TMEM217B: variants seen among roughly 807,000 people sequenced by gnomAD.
TMEM217B encodes putative transmembrane protein 217B.
chr6:37,224,584 C>T, the TMEM217B span, among the ~76,000 whole-genome samples: 6 of 149,812 alleles, frequency 4.0e-5, no homozygotes, highest in Non-Finnish European at 7.4e-5. Flanking sequence ...GGTGACAGAG[C>T]GAGACTCCTC....
chr6:37,221,803 A>G, the TMEM217B span, among the ~76,000 whole-genome samples: 4 of 152,156 alleles, frequency 2.6e-5, no homozygotes, highest in African/African-American at 9.7e-5. Context: ...ATGAGCTTTA[A>G]GTGTTAGATC....
the TMEM217B span, among the ~76,000 whole-genome samples, chr6:37,247,389 C>CT: frequency 7.0e-5 from 9 of 127,756 alleles, no homozygotes; most frequent in East Asian, 2.2e-4. Context: ...AACTTTTTTA[C>CT]TTTTTTTTTT....
chr6:37,214,086 CT>C, the TMEM217B span, among the ~76,000 whole-genome samples: 2 of 152,244 alleles, frequency 1.3e-5, no homozygotes, highest in Non-Finnish European at 2.9e-5. Flanking sequence ...TCTTCACTCA[CT>C]GGATCAACTC....
the TMEM217B span, chr6:37,218,476 C>T: frequency 5.6e-6 from 9 of 1,613,718 alleles, no homozygotes; most frequent in East Asian, 2.2e-5. Context: ...TGAACCCACT[C>T]GAAATTGATA....
chr6:37,215,994 GGTGTGTGTGTGTGTGTGTGTGTGT>G, the TMEM217B span, among the ~76,000 whole-genome samples: 11 of 149,082 alleles, frequency 7.4e-5, no homozygotes, highest in Non-Finnish European at 1.5e-4. Flanking sequence ...GGTTCTTCAG[GGTGTGTGTGTGTGTGTGTGTGTGT>G]GTGTGTGTGT....
At chr6:37,257,833 G>C in the TMEM217B span, 1 of 1,495,454 alleles carries the variant, frequency 6.7e-7, no homozygotes, top group Non-Finnish European at 9.1e-7. Flanking sequence ...AAGCGGCCTG[G>C]GTTGGCCCTC....
chr6:37,247,136 T>A, the TMEM217B span, among the ~76,000 whole-genome samples: 1 of 152,224 alleles, frequency 6.6e-6, no homozygotes, highest in Non-Finnish European at 1.5e-5. Context: ...AAGACTTATA[T>A]GGCCTTAGAA....
At chr6:37,217,624 G>A in the TMEM217B span, 39 of 985,116 alleles carry the variant, frequency 4.0e-5, no homozygotes, top group African/African-American at 3.7e-4. Context: ...GGGGAAATTC[G>A]AGACATAAAT....
At chr6:37,227,556 C>T in the TMEM217B span, among the ~76,000 whole-genome samples, 1 of 152,148 alleles carries the variant, frequency 6.6e-6, no homozygotes, top group Non-Finnish European at 1.5e-5. Context: ...AAGCAATTCT[C>T]CTGCCTCAGC....
chr6:37,246,722 G>T, the TMEM217B span, among the ~76,000 whole-genome samples: 1 of 152,104 alleles, frequency 6.6e-6, no homozygotes, highest in African/African-American at 2.4e-5. Context: ...GGGCAACATA[G>T]TGAGACCCTA....
At chr6:37,227,286 G>C in the TMEM217B span, among the ~76,000 whole-genome samples, 1 of 152,122 alleles carries the variant, frequency 6.6e-6, no homozygotes, top group Non-Finnish European at 1.5e-5. Flanking sequence ...TCTCTCATCT[G>C]AGTCATCTTC....
chr6:37,215,961 G>A, the TMEM217B span, among the ~76,000 whole-genome samples: 6 of 152,002 alleles, frequency 3.9e-5, no homozygotes. Context: ...CCATGTGGAT[G>A]TTTCTCTGAA....
the TMEM217B span, among the ~76,000 whole-genome samples, chr6:37,222,614 T>G: frequency 6.6e-6 from 1 of 152,176 alleles, no homozygotes; most frequent in Non-Finnish European, 1.5e-5. Context: ...CAGCTGCAGC[T>G]GCACCTGGGA....
chr6:37,229,452 C>T, the TMEM217B span, among the ~76,000 whole-genome samples: 1 of 139,246 alleles, frequency 7.2e-6, no homozygotes, highest in East Asian at 2.3e-4. Flanking sequence ...ACTCTATTCT[C>T]CTTCCTCAGC....
the TMEM217B span, among the ~76,000 whole-genome samples, chr6:37,226,119 G>A: frequency 6.6e-6 from 1 of 151,954 alleles, no homozygotes; most frequent in Non-Finnish European, 1.5e-5. Flanking sequence ...CTTTGACTTT[G>A]CTCTTTTGAA....
the TMEM217B span, chr6:37,258,052 G>T: frequency 2.0e-6 from 3 of 1,514,910 alleles, no homozygotes; most frequent in Non-Finnish European, 2.7e-6. Flanking sequence ...CGCGGGCCTG[G>T]GGCGCCACAG....
At chr6:37,215,170 T>C in the TMEM217B span, 3 of 1,609,394 alleles carry the variant, frequency 1.9e-6, no homozygotes, top group South Asian at 3.3e-5. Context: ...CAAGGTCCTC[T>C]GGTACATTCT....
the TMEM217B span, chr6:37,215,058 C>T: frequency 9.6e-7 from 1 of 1,045,526 alleles, no homozygotes; most frequent in Non-Finnish European, 1.4e-6. Flanking sequence ...GTATAAAGCC[C>T]ACTGGTTCCA....
At chr6:37,228,099 G>C in the TMEM217B span, among the ~76,000 whole-genome samples, 3 of 152,230 alleles carry the variant, frequency 2.0e-5, no homozygotes, top group Non-Finnish European at 4.4e-5. Context: ...AGGTTGAGGG[G>C]TATGAAGATA....
Sources: allele counts gnomAD v4.1 joint callset (sites outside exome capture counted in the v4.1 genomes callset), GRCh38; gene constraint gnomAD v4.1.1; transcripts MANE v1.5; gene names NCBI Gene and HGNC (gene_info 2026-07-23, HGNC 2026-07-21).